The following DCLK2 variants were observed in gnomAD, a reference collection of about 807,000 sequenced individuals.
DCLK2 encodes doublecortin like kinase 2, also known as serine/threonine-protein kinase DCLK2.
DCLK2 carries 31 observed loss-of-function variants against 78.4 expected under a neutral mutation model. That is an observed-to-expected ratio of 0.40 (90% CI 0.30 to 0.53). The LOEUF (loss-of-function observed/expected upper bound fraction) is 0.53. Among genes scored for constraint, DCLK2 ranks in the 20% least tolerant of loss-of-function variants. The pLI is 0.61. For synonymous variants in DCLK2, 407 were observed against 374.9 expected, an observed-to-expected ratio of 1.09 and a Z score of -0.99; for missense variants, 872 against 973.7, an observed-to-expected ratio of 0.90 and a Z score of 1.39.
intron 2 of DCLK2, among the ~76,000 whole-genome samples, chr4:150,187,212 A>C (rs538078382): frequency 1.3e-5 from 2 of 152,034 alleles, no homozygotes; most frequent in Non-Finnish European, 2.9e-5. Context: ...TGTCACCCAG[A>C]GTATAGTGCA....
At position 150,232,388 on chromosome 4, in the gene DCLK2, A is replaced by G; in HGVS notation, c.1351A>G (p.Asn451Asp). The G allele has an allele frequency of 6.2e-7, 1 of 1,614,106 alleles. No individual in the cohort carries two copies. Among genetic ancestry groups the G allele is most frequent in the South Asian group, 1.1e-5 (1 of 91,060 alleles). ...VSILRRVKHPNIIMLVEEMET... is the reference protein window; with the variant it reads ...VSILRRVKHPDIIMLVEEMET... ...AATACTGCGCCGAGTGAAACATCCC[A>G]ATATCATTATGCTGGTCGAGGAGAT... The change falls in exon 9 of 16, where the codon AAT becomes GAT. Residue 451 changes from asparagine (N) to aspartate (D), a missense_variant. Physicochemically the swap from Asn to Asp is conservative, Grantham distance 23. Coordinates refer to ENST00000296550, the MANE Select transcript of DCLK2 (RefSeq NM_001040260.4).
chr4:150,079,713 C>CT (rs112399702), intron 1 of DCLK2, among the ~76,000 whole-genome samples: 20,839 of 152,242 alleles, frequency 0.14, 1,821 homozygotes, highest in Non-Finnish European at 0.19. Flanking sequence ...GTGGCATCTC[C>CT]TAAGATTGTT....
intron 2 of DCLK2, among the ~76,000 whole-genome samples, chr4:150,156,379 G>T (rs1462749204): frequency 2.6e-5 from 4 of 152,030 alleles, no homozygotes; most frequent in Admixed American, 2.0e-4. Context: ...GGACGTTGTG[G>T]CTCACGCCTA....
rs1344332208 is a variant in DCLK2 at position 150,095,310 on chromosome 4, C to T, written c.422-7168C>T. On this transcript the variant is annotated intron_variant, in intron 1 of 15. Coordinates refer to ENST00000296550, the MANE Select transcript of DCLK2 (RefSeq NM_001040260.4). Reference sequence around the variant, plus strand: ...GCTCTTGCTTTTCTTCATGATTTTACCGCCTATGAAGGCATCCCTAATCGA... The same window carrying T: ...GCTCTTGCTTTTCTTCATGATTTTATCGCCTATGAAGGCATCCCTAATCGA... 3.9e-5 allele frequency among the ~76,000 whole-genome samples: 6 copies of T among 152,306 alleles called. No individual in the cohort carries two copies. In the East Asian group the frequency reaches 1.2e-3, roughly 29 times the overall value.
chr4:150,107,789 G>A (rs1336104239), intron 2 of DCLK2, among the ~76,000 whole-genome samples: 1 of 152,126 alleles, frequency 6.6e-6, no homozygotes, highest in Non-Finnish European at 1.5e-5. Flanking sequence ...CATCCCAAAT[G>A]GTTTTACTGA....
intron 2 of DCLK2, among the ~76,000 whole-genome samples, chr4:150,181,424 T>A (rs967460762): frequency 3.9e-5 from 6 of 152,160 alleles, no homozygotes; most frequent in South Asian, 4.1e-4. Context: ...ACAGGAAGAA[T>A]GATGATTGCT....
At chr4:150,093,287 CT>C (rs1332668768) in intron 1 of DCLK2, among the ~76,000 whole-genome samples, 4 of 152,184 alleles carry the variant, frequency 2.6e-5, no homozygotes, top group African/African-American at 9.7e-5. Context: ...GATAGACATC[CT>C]GTGTTCATGA....
chr4:150,176,595 C>A (rs920931567), intron 2 of DCLK2, among the ~76,000 whole-genome samples: 1 of 152,142 alleles, frequency 6.6e-6, no homozygotes, highest in African/African-American at 2.4e-5. Flanking sequence ...TGTGGTAAGG[C>A]AGGGTATTCA....
At chr4:150,254,073 G>C (rs1261490524) in intron 15 of DCLK2, among the ~76,000 whole-genome samples, 1 of 152,208 alleles carries the variant, frequency 6.6e-6, no homozygotes, top group Non-Finnish European at 1.5e-5. Flanking sequence ...AGAAAGGACA[G>C]AGCAGGGTGC....
At chr4:150,120,458 A>T (rs116690883) in intron 2 of DCLK2, among the ~76,000 whole-genome samples, 189 of 152,254 alleles carry the variant, frequency 1.2e-3, no homozygotes, top group African/African-American at 4.5e-3. Flanking sequence ...AGGCTTAACT[A>T]TGTGTGTCTG....
At chr4:150,239,709 A>T in intron 10 of DCLK2, 33 bp from the exon 11 acceptor site, 1 of 1,607,706 alleles carries the variant, frequency 6.2e-7, no homozygotes, top group East Asian at 2.2e-5. Context: ...AGGAAAAAAA[A>T]ATCTTCTGAT....
chr4:150,098,468 A>C (rs992527193), intron 1 of DCLK2, among the ~76,000 whole-genome samples: 1 of 152,182 alleles, frequency 6.6e-6, no homozygotes, highest in African/African-American at 2.4e-5. Flanking sequence ...TTATCTACTT[A>C]TGAAAAAAAT....
chr4:150,166,362 C>T (rs1736075669), intron 2 of DCLK2, among the ~76,000 whole-genome samples: 1 of 146,126 alleles, frequency 6.8e-6, no homozygotes, highest in Admixed American at 6.7e-5. Context: ...GGTGTGGTGG[C>T]ATGCACCTGT....
chr4:150,204,825 G>C (rs948187227), intron 5 of DCLK2, among the ~76,000 whole-genome samples: 1 of 151,958 alleles, frequency 6.6e-6, no homozygotes, highest in East Asian at 1.9e-4. Flanking sequence ...CCAGGAGGCA[G>C]AGGTTGCAGT....
intron 1 of DCLK2, among the ~76,000 whole-genome samples, chr4:150,095,131 A>T (rs1730365821): frequency 6.6e-6 from 1 of 152,246 alleles, no homozygotes; most frequent in Non-Finnish European, 1.5e-5. Context: ...TACCTATAGA[A>T]AGTTCATAAA....
intron 3 of DCLK2, among the ~76,000 whole-genome samples, chr4:150,195,898 G>T (rs564644589): frequency 6.6e-6 from 1 of 152,178 alleles, no homozygotes; most frequent in South Asian, 2.1e-4. Context: ...ATGTCATGCA[G>T]TTGGGAGTGT....
chr4:150,146,879 GA>G (rs1734511904), intron 2 of DCLK2, among the ~76,000 whole-genome samples: 1 of 152,068 alleles, frequency 6.6e-6, no homozygotes, highest in Non-Finnish European at 1.5e-5. Context: ...GTACCACCAA[GA>G]GGCTGCATAA....
chr4:150,079,013 C>T lies in DCLK2; in HGVS notation c.-15C>T, dbSNP rs1481606300. On this transcript the variant is annotated 5_prime_UTR_variant, in exon 1 of 16. Coordinates refer to ENST00000296550, the MANE Select transcript of DCLK2 (RefSeq NM_001040260.4). Reference sequence around the variant, plus strand: ...CCCGGAACGTCTTTTTGCGGACGCCCTCGGAGCAGCCGCGATGGCCAGCAC... The same window carrying T: ...CCCGGAACGTCTTTTTGCGGACGCCTTCGGAGCAGCCGCGATGGCCAGCAC... The T allele has an allele frequency of 4.0e-6, 6 of 1,518,514 alleles. No individual in the cohort carries two copies. Among genetic ancestry groups the T allele is most frequent in the East Asian group, 2.3e-5 (1 of 43,332 alleles). The allele number at this position is 1,518,514 out of a possible 1,614,324, so 94.1% of individuals were successfully genotyped here.
At chr4:150,198,199 T>A in intron 4 of DCLK2, 96 bp downstream of exon 4, 1 of 1,075,888 alleles carries the variant, frequency 9.3e-7, no homozygotes, top group Non-Finnish European at 1.3e-6. Flanking sequence ...TTTGCCAGGG[T>A]CGTATGCAGC....
Sources: gnomAD v4.1 joint callset for allele counts (sites outside exome capture counted in the v4.1 genomes callset) on GRCh38, gnomAD v4.1.1 for gene constraint, MANE v1.5 for transcripts, NCBI Gene and HGNC (gene_info 2026-07-23, HGNC 2026-07-21) for gene names.